HMMR: variants seen among roughly 807,000 people sequenced by gnomAD.
HMMR encodes the protein intracellular hyaluronic acid-binding protein.
A neutral mutation model predicts 101.0 loss-of-function variants in HMMR; 108 were observed. That is an observed-to-expected ratio of 1.07 (90% CI 0.92 to 1.25). The LOEUF is 1.25. HMMR is among the 50% of genes most tolerant of loss of function. The probability of loss-of-function intolerance (pLI) is 0.00; values close to 1 mark genes in which losing one functional copy is unlikely to be tolerated. For synonymous variants in HMMR, 296 were observed against 276.4 expected, an observed-to-expected ratio of 1.07 and a Z score of -0.70; for missense variants, 813 against 788.7, an observed-to-expected ratio of 1.03 and a Z score of -0.37.
intron 12 of HMMR, among the ~76,000 whole-genome samples, chr5:163,479,400 G>C (rs1319086513): frequency 6.6e-6 from 1 of 152,170 alleles, no homozygotes; most frequent in East Asian, 1.9e-4. Flanking sequence ...GCTGGCCACT[G>C]TGGCTCATAC....
chr5:163,466,289 A>T (rs1581188068), intron 3 of HMMR, among the ~76,000 whole-genome samples: 1 of 152,256 alleles, frequency 6.6e-6, no homozygotes, highest in South Asian at 2.1e-4. Flanking sequence ...TAAAGTAAAA[A>T]AGTTGTACAA....
At chr5:163,466,369 A>C (rs1364796741) in intron 3 of HMMR, among the ~76,000 whole-genome samples, 1 of 152,252 alleles carries the variant, frequency 6.6e-6, no homozygotes, top group Admixed American at 6.5e-5. Flanking sequence ...TTCATTTGGC[A>C]GTTGCCTAAG....
intron 16 of HMMR, among the ~76,000 whole-genome samples, chr5:163,487,514 T>C (rs1759520003): frequency 6.6e-6 from 1 of 152,152 alleles, no homozygotes; most frequent in African/African-American, 2.4e-5. Context: ...CTTCATTGAA[T>C]GTGTGGTAGA....
chr5:163,485,049 T>G (rs897357225), intron 16 of HMMR, among the ~76,000 whole-genome samples: 1 of 152,230 alleles, frequency 6.6e-6, no homozygotes, highest in Non-Finnish European at 1.5e-5. Context: ...TTTTTGGCTA[T>G]TATGAATAAT....
At chr5:163,472,077 A>G (rs1758914311) in intron 7 of HMMR, among the ~76,000 whole-genome samples, 1 of 147,382 alleles carries the variant, frequency 6.8e-6, no homozygotes, top group Non-Finnish European at 1.5e-5. Context: ...GAGATGGGGC[A>G]TTGCTTTGTT....
chr5:163,461,253 T>C (rs1230673117), intron 1 of HMMR, among the ~76,000 whole-genome samples: 1 of 152,206 alleles, frequency 6.6e-6, no homozygotes. Flanking sequence ...TGACCACTTA[T>C]ACCTCAAGCA....
At chr5:163,465,872 A>G (rs1758688139) in intron 3 of HMMR, among the ~76,000 whole-genome samples, 1 of 151,524 alleles carries the variant, frequency 6.6e-6, no homozygotes, top group African/African-American at 2.4e-5. Flanking sequence ...GAGGCAGGAG[A>G]ATTGCTTGAA....
rs1377233851 is a variant in HMMR, at chr5:163,491,145, G to A, written c.2159G>A (p.Cys720Tyr). The A allele has an allele frequency of 3.2e-6, 5 of 1,568,192 alleles. No homozygotes were observed. The highest frequency in any genetic ancestry group is 3.7e-5 in the Admixed American group (2 of 54,464). Residue 720 changes from cysteine (C) to tyrosine (Y), a missense_variant, in exon 18 of 18, where the codon TGT becomes TAT. Transcript: ENST00000393915. ...NTNCYRAPMECQESWK is the reference protein window; with the variant it reads ...NTNCYRAPMEYQESWK The stretch of plus-strand genomic sequence containing the variant: ...AACTGTTACCGAGCTCCTATGGAGT[G>A]TCAAGAATCATGGAAGTAAACATCT...
intron 7 of HMMR, among the ~76,000 whole-genome samples, chr5:163,471,869 G>T (rs939500174): frequency 6.6e-6 from 1 of 152,020 alleles, no homozygotes; most frequent in Non-Finnish European, 1.5e-5. Flanking sequence ...TTTAGCAATT[G>T]TATACACCTA....
intron 16 of HMMR, among the ~76,000 whole-genome samples, chr5:163,484,953 AT>A (rs1417107373): frequency 2.0e-5 from 3 of 151,894 alleles, no homozygotes; most frequent in African/African-American, 7.3e-5. Flanking sequence ...AGAGTACTTT[AT>A]TTTTTTTATA....
At chr5:163,467,527 T>C (rs533661620) in intron 3 of HMMR, among the ~76,000 whole-genome samples, 174 bp from the exon 4 acceptor site, 1 of 152,364 alleles carries the variant, frequency 6.6e-6, no homozygotes, top group South Asian at 2.1e-4. Context: ...CTTGAGATTT[T>C]TAGAATATTT....
At chr5:163,489,831 A>T (rs1192324473) in intron 16 of HMMR, among the ~76,000 whole-genome samples, 1 of 152,044 alleles carries the variant, frequency 6.6e-6, no homozygotes, top group Non-Finnish European at 1.5e-5. Flanking sequence ...GAAGCTTCTG[A>T]CTCGGAGTTG....
intron 16 of HMMR, among the ~76,000 whole-genome samples, chr5:163,489,857 C>T (rs1000966498): frequency 3.9e-5 from 6 of 152,172 alleles, no homozygotes; most frequent in African/African-American, 1.2e-4. Context: ...AAAGAGGGCC[C>T]TGTGCTTTTG....
intron 9 of HMMR, 48 bp downstream of exon 9, chr5:163,473,605 A>G (rs191401807): frequency 3.6e-5 from 42 of 1,167,910 alleles, no homozygotes. Context: ...TGTTACATAC[A>G]ACATTTAGGA....
At chr5:163,474,004 AG>A in intron 9 of HMMR, 52 bp from the exon 10 acceptor site, 1 of 1,444,130 alleles carries the variant, frequency 6.9e-7, no homozygotes, top group Non-Finnish European at 9.5e-7. Flanking sequence ...CAGGTTTCTC[AG>A]TCTTAATGTT....
At chr5:163,484,905 G>C (rs1397004579) in intron 16 of HMMR, among the ~76,000 whole-genome samples, 1 of 152,058 alleles carries the variant, frequency 6.6e-6, no homozygotes, top group East Asian at 1.9e-4. Flanking sequence ...CAGTCAATTA[G>C]CATAATATTT....
intron 11 of HMMR, among the ~76,000 whole-genome samples, chr5:163,477,633 C>CA: frequency 6.6e-6 from 1 of 152,020 alleles, no homozygotes; most frequent in Admixed American, 6.5e-5. Flanking sequence ...TATTCCAACT[C>CA]AAAAAACTGT....
chr5:163,460,669 C>T lies in HMMR; in HGVS notation c.-24C>T. ...GTTGTCGAGGAGTGCCAGTCACCTT[C>T]AGTTTCTGGAGCTGGCCGTCAACAT... is the stretch of plus-strand genomic sequence containing the variant. On this transcript the variant is annotated 5_prime_UTR_variant, in exon 1 of 18. Transcript: ENST00000393915. 6.3e-7 allele frequency: 1 copy of T among 1,596,836 alleles called. No homozygotes were observed. The highest frequency in any genetic ancestry group is 8.5e-7 in the Non-Finnish European group (1 of 1,170,408).
chr5:163,476,163 A>G (rs924754530), intron 11 of HMMR, among the ~76,000 whole-genome samples: 4 of 152,112 alleles, frequency 2.6e-5, no homozygotes, highest in African/African-American at 9.7e-5. Flanking sequence ...AAATTAAAAA[A>G]AAAACTAGCT....
Sources: allele counts gnomAD v4.1 joint callset (sites outside exome capture counted in the v4.1 genomes callset), GRCh38; gene constraint gnomAD v4.1.1; transcripts MANE v1.5; gene names NCBI Gene and HGNC (gene_info 2026-07-23, HGNC 2026-07-21).